Variants in KIAA1217 observed in about 807,000 individuals in gnomAD.
KIAA1217 encodes sickle tail protein homolog.
KIAA1217 carries 88 observed loss-of-function variants against 163.9 expected under a neutral mutation model. The observed-to-expected ratio is 0.54, with a 90% CI of 0.45 to 0.64. The LOEUF (loss-of-function observed/expected upper bound fraction) is 0.64. KIAA1217 is among the 30% of genes least tolerant of loss of function. The probability of loss-of-function intolerance (pLI) is 0.00; values close to 1 mark genes in which losing one functional copy is unlikely to be tolerated. For missense variants in KIAA1217, 2,372 were observed against 2,475.0 expected, an observed-to-expected ratio of 0.96 and a Z score of 0.88; for synonymous variants, 903 against 923.1, an observed-to-expected ratio of 0.98 and a Z score of 0.39.
chr10:23,769,093 A>G (rs1221043628), intron 1 of KIAA1217, among the ~76,000 whole-genome samples: 3 of 152,334 alleles, frequency 2.0e-5, no homozygotes, highest in African/African-American at 7.2e-5. Context: ...GTGAGAGACC[A>G]GAGTTTTATT....
intron 17 of KIAA1217, among the ~76,000 whole-genome samples, chr10:24,538,655 G>A (rs926431714): frequency 7.1e-6 from 1 of 140,476 alleles, no homozygotes; most frequent in Non-Finnish European, 1.5e-5. Flanking sequence ...GGAAGGGAGG[G>A]AAAAGAAAGA....
At chr10:24,458,315 T>C (rs2132510301) in intron 5 of KIAA1217, among the ~76,000 whole-genome samples, 1 of 152,306 alleles carries the variant, frequency 6.6e-6, no homozygotes, top group South Asian at 2.1e-4. Context: ...AATGGAGCAG[T>C]CTTGTGGGGC....
At chr10:24,466,629 T>A in intron 5 of KIAA1217, 1 of 985,434 alleles carries the variant, frequency 1.0e-6, no homozygotes, top group South Asian at 4.7e-5. Context: ...TCTTTGTGTC[T>A]TTTGTGATGA....
intron 16 of KIAA1217, 34 bp from the exon 17 acceptor site, chr10:24,536,740 G>A (rs1451806633): frequency 6.2e-7 from 1 of 1,608,560 alleles, no homozygotes; most frequent in Non-Finnish European, 8.5e-7. Context: ...AGTACCCTTG[G>A]ATCCCTGTTA....
chr10:24,382,753 G>A (rs2130505516), intron 3 of KIAA1217, among the ~76,000 whole-genome samples: 1 of 152,136 alleles, frequency 6.6e-6, no homozygotes, highest in Non-Finnish European at 1.5e-5. Context: ...AGCATCATGG[G>A]CCAAGACAGT....
intron 1 of KIAA1217, among the ~76,000 whole-genome samples, chr10:23,835,024 T>C (rs1035767883): frequency 6.6e-6 from 1 of 152,124 alleles, no homozygotes; most frequent in African/African-American, 2.4e-5. Context: ...GAAAGACGTC[T>C]AGGCTGGGAG....
chr10:23,984,615 G>T (rs1845897730), intron 1 of KIAA1217, among the ~76,000 whole-genome samples: 2 of 152,126 alleles, frequency 1.3e-5, no homozygotes, highest in South Asian at 4.1e-4. Flanking sequence ...CCTTTGCAGG[G>T]ACATGGATGA....
intron 1 of KIAA1217, among the ~76,000 whole-genome samples, chr10:23,932,210 G>T (rs1282810709): frequency 6.6e-6 from 1 of 152,182 alleles, no homozygotes; most frequent in African/African-American, 2.4e-5. Context: ...GGCAAAGAAG[G>T]CATTTGGTGG....
chr10:23,918,238 T>C (rs773292398), intron 1 of KIAA1217, among the ~76,000 whole-genome samples: 1 of 151,388 alleles, frequency 6.6e-6, no homozygotes, highest in Non-Finnish European at 1.5e-5. Flanking sequence ...AAAGTGATCT[T>C]CCTGTCTTAG....
At chr10:24,299,237 T>C (rs1213889191) in intron 2 of KIAA1217, among the ~76,000 whole-genome samples, 1 of 152,174 alleles carries the variant, frequency 6.6e-6, no homozygotes, top group African/African-American at 2.4e-5. Flanking sequence ...CCAGGTTCTT[T>C]AGATTATTTT....
At chr10:23,804,701 A>C (rs757665805) in intron 1 of KIAA1217, among the ~76,000 whole-genome samples, 29 of 152,202 alleles carry the variant, frequency 1.9e-4, no homozygotes, top group Non-Finnish European at 3.5e-4. Context: ...TTTATACAGC[A>C]TATGATAGAA....
intron 2 of KIAA1217, among the ~76,000 whole-genome samples, chr10:24,051,088 C>T (rs1007536863): frequency 1.3e-5 from 2 of 152,134 alleles, no homozygotes; most frequent in African/African-American, 4.8e-5. Flanking sequence ...TACCCTTCTC[C>T]CTGAGTTCCC....
intron 2 of KIAA1217, among the ~76,000 whole-genome samples, chr10:24,147,537 T>C (rs1377088288): frequency 2.6e-5 from 4 of 152,132 alleles, no homozygotes; most frequent in Admixed American, 2.6e-4. Flanking sequence ...GTAAAATCAT[T>C]AGTTATTTGA....
chr10:24,351,419 G>T (rs1591224991), intron 2 of KIAA1217, among the ~76,000 whole-genome samples: 1 of 152,132 alleles, frequency 6.6e-6, no homozygotes, highest in Admixed American at 6.5e-5. Flanking sequence ...CACATCCAAG[G>T]TCAGTGTTCA....
intron 2 of KIAA1217, among the ~76,000 whole-genome samples, chr10:24,088,743 C>T (rs533676730): frequency 1.2e-4 from 15 of 123,670 alleles, no homozygotes; most frequent in African/African-American, 3.5e-4. Context: ...GTGAATAGTC[C>T]GCATTAAACA....
intron 1 of KIAA1217, among the ~76,000 whole-genome samples, chr10:23,755,323 A>G (rs886488264): frequency 6.6e-6 from 1 of 151,732 alleles, no homozygotes; most frequent in African/African-American, 2.4e-5. Context: ...ACAGTTCTTC[A>G]CCATAGATCT....
chr10:24,383,297 C>G (rs145002042), intron 3 of KIAA1217, among the ~76,000 whole-genome samples: 4 of 152,276 alleles, frequency 2.6e-5, no homozygotes, highest in African/African-American at 9.6e-5. Flanking sequence ...AATGCCTGTC[C>G]GCCTTCCCCC....
chr10:23,969,835 C>A (rs931449135), intron 1 of KIAA1217, among the ~76,000 whole-genome samples: 2 of 152,166 alleles, frequency 1.3e-5, no homozygotes, highest in African/African-American at 4.8e-5. Context: ...TAAAGACATA[C>A]CTGAGACTGG....
rs542922531 is a variant in KIAA1217 at position 24,396,245 on chromosome 10, G to A, written c.553+15178G>A. 2.6e-5 allele frequency among the ~76,000 whole-genome samples: 4 copies of A among 152,226 alleles called. No individual in the cohort carries two copies. In the South Asian group the frequency reaches 8.3e-4, roughly 32 times the overall value. On this transcript the variant is annotated intron_variant, in intron 3 of 20. Transcript: ENST00000376454. Reference sequence around the variant, plus strand: ...CCAACTAGTCGGGAGGCTGTGGCAGGAGAATCACTTGAGCCCGGGAAGCGG... The same window carrying A: ...CCAACTAGTCGGGAGGCTGTGGCAGAAGAATCACTTGAGCCCGGGAAGCGG...
Sources: gnomAD v4.1 joint callset for allele counts (sites outside exome capture counted in the v4.1 genomes callset) on GRCh38, gnomAD v4.1.1 for gene constraint, MANE v1.5 for transcripts, NCBI Gene and HGNC (gene_info 2026-07-23, HGNC 2026-07-21) for gene names.